Variants in MAP1S observed in about 807,000 individuals in gnomAD.
MAP1S encodes the protein microtubule-associated protein 1S.
A neutral mutation model predicts 60.9 loss-of-function variants in MAP1S; 27 were observed. That is an observed-to-expected ratio of 0.44 (90% confidence interval 0.33 to 0.61). MAP1S has a LOEUF of 0.61. Ranked by LOEUF, MAP1S falls within the 20% of genes least tolerant of loss-of-function variation. The probability of loss-of-function intolerance (pLI) is 0.03; values close to 1 mark genes in which losing one functional copy is unlikely to be tolerated. For missense variants in MAP1S, 1,608 were observed against 1,486.6 expected (o/e 1.08, Z -1.34); for synonymous variants, 826 against 694.2 (o/e 1.19, Z -2.98).
chr19:17,724,175 C>A lies in MAP1S; in HGVS notation c.270C>A (p.Leu90=). The change falls in exon 3 of 7, where the codon CTC becomes CTA. Residue 90 remains leucine (L), a synonymous_variant. Coordinates refer to ENST00000324096, the MANE Select transcript of MAP1S (RefSeq NM_018174.6). ...GAGACAACCTGGAGACCCTGGTCCT[C>A]CTGAACCCATCAGACAAGTCCCTGT... ...HRGDNLETLV[L]LNPSDKSLYD... 2 of 1,613,958 alleles carry A rather than the reference C, an allele frequency of 1.2e-6. No individual in the cohort carries two copies. The highest frequency in any genetic ancestry group is 1.7e-6 in the Non-Finnish European group (2 of 1,179,980).
intron 2 of MAP1S, 111 bp downstream of exon 2, chr19:17,721,148 T>C (rs2080367269): frequency 2.3e-6 from 2 of 863,208 alleles, no homozygotes; most frequent in Non-Finnish European, 4.0e-6. Flanking sequence ...ACAGTAATAA[T>C]ACAGTTGAGA....
intron 2 of MAP1S, among the ~76,000 whole-genome samples, chr19:17,722,882 GAAAGTT>G (rs2080384014): frequency 6.7e-6 from 1 of 150,016 alleles, no homozygotes; most frequent in African/African-American, 2.5e-5. Flanking sequence ...AGAAAGGAAA[GAAAGTT>G]AAATGTGATA....
chr19:17,728,037 A>G lies in MAP1S; in HGVS notation c.2653A>G (p.Lys885Glu), dbSNP rs781299135. 1.2e-6 allele frequency: 2 copies of G among 1,612,062 alleles called. No homozygotes were observed. The highest frequency in any genetic ancestry group is 2.2e-5 in the South Asian group (2 of 90,980). The change falls in exon 5 of 7, where the codon AAA (lysine) becomes GAA (glutamate). Residue 885 changes from lysine (K) to glutamate (E), a missense_variant. Physicochemically the swap from Lys to Glu is moderately conservative, Grantham distance 56 (BLOSUM62 1). Coordinates refer to ENST00000324096, the MANE Select transcript of MAP1S (RefSeq NM_018174.6). ...CAAAGCCACTCCAGTGGCTGCTGCC[A>G]AAACCAAGGGGCTTGCTGGTGGGGA... is the stretch of plus-strand genomic sequence containing the variant. ...APKATPVAAA[K>E]TKGLAGGDRA...
In MAP1S at chr19:17,726,407, C is replaced by T. The variant is rs1158802871; in HGVS notation, c.1023C>T (p.Ala341=). 1.9e-6 allele frequency: 3 copies of T among 1,579,184 alleles called. No homozygotes were observed. Among genetic ancestry groups the T allele is most frequent in the Non-Finnish European group, 1.7e-6 (2 of 1,169,968 alleles). The change falls in exon 5 of 7, where the codon GCC becomes GCT. Residue 341 remains alanine (A), a synonymous_variant. Coordinates refer to ENST00000324096, the MANE Select transcript of MAP1S (RefSeq NM_018174.6). ...SPNLGVVFFN[A]CEAASRLARG... is the part of the protein sequence containing the mutation. ...ACCTGGGGGTCGTGTTCTTCAACGC[C>T]TGCGAGGCCGCGTCGCGGCTGGCGC...
intron 2 of MAP1S, among the ~76,000 whole-genome samples, chr19:17,723,921 C>T (rs1286896674): frequency 2.6e-5 from 4 of 152,202 alleles, no homozygotes; most frequent in African/African-American, 9.7e-5. Context: ...GCCCTGCGCA[C>T]GATGGGGCCC....
intron 2 of MAP1S, chr19:17,721,272 G>A (rs567340079): frequency 3.7e-6 from 2 of 539,738 alleles, no homozygotes; most frequent in Admixed American, 2.7e-5. Flanking sequence ...GGCATTGAAG[G>A]GGGAAGAGGC....
intron 5 of MAP1S, among the ~76,000 whole-genome samples, chr19:17,729,861 C>T (rs2080477520): frequency 6.6e-6 from 1 of 152,180 alleles, no homozygotes; most frequent in Non-Finnish European, 1.5e-5. Flanking sequence ...TGGGGTTTCA[C>T]CATGCTGGTC....
At chr19:17,731,586 T>A (rs1175096983) in intron 5 of MAP1S, among the ~76,000 whole-genome samples, 4 of 152,234 alleles carry the variant, frequency 2.6e-5, no homozygotes, top group African/African-American at 9.6e-5. Context: ...TAATCTCCTT[T>A]TCACATTGTT....
intron 1 of MAP1S, 149 bp from the exon 2 acceptor site, chr19:17,720,787 C>A (rs928499065): frequency 2.3e-4 from 162 of 706,272 alleles, no homozygotes; most frequent in Non-Finnish European, 3.4e-4. Context: ...GCAGCGAGAC[C>A]TGAAGGTGTT....
At chr19:17,720,757 C>T (rs991336522) in intron 1 of MAP1S, 179 bp from the exon 2 acceptor site, 5 of 647,358 alleles carry the variant, frequency 7.7e-6, no homozygotes, top group African/African-American at 1.8e-5. Context: ...GAGGTGTGCT[C>T]TGGGTCCCCT....
rs757641348 is a variant in MAP1S at position 17,727,317 on chromosome 19, C to T, written c.1933C>T (p.Arg645Trp). The change falls in exon 5 of 7, where the codon CGG becomes TGG. Residue 645 changes from arginine (R) to tryptophan (W), a missense_variant. Transcript: ENST00000324096. The surrounding 1 kb of genome is among the most constrained non-coding windows in gnomAD (Gnocchi z 4.1). ...RPRTPSPESH[R>W]SPAEGSERLS... ...ACGCACACCCTCCCCTGAGTCCCAC[C>T]GGAGCCCCGCAGAGGGCAGCGAGCG... 50 of 1,591,174 alleles carry T rather than the reference C, an allele frequency of 3.1e-5. No individual in the cohort carries two copies. Among genetic ancestry groups the T allele is most frequent in the East Asian group, 1.8e-4 (8 of 43,880 alleles).
chr19:17,727,159 G>T lies in MAP1S; in HGVS notation c.1775G>T (p.Ser592Ile), dbSNP rs753453364. Residue 592 changes from serine to isoleucine, a missense_variant, in exon 5 of 7, where the codon AGC becomes ATC. Transcript: ENST00000324096. This position sits in a 1 kb window ranked among gnomAD's most constrained non-coding sequence, Gnocchi z 4.1. ...SPPSLRCGEASPPSAACGSPA... is the reference protein window; with the variant it reads ...SPPSLRCGEAIPPSAACGSPA... ...CCCAGCCTCCGATGTGGAGAAGCCA[G>T]CCCCCCCAGTGCAGCCTGCGGCTCT... 1 of 1,588,152 alleles carries T rather than the reference G, an allele frequency of 6.3e-7. No individual in the cohort carries two copies. Among genetic ancestry groups the T allele is most frequent in the Middle Eastern group, 1.7e-4 (1 of 6,032 alleles).
At chr19:17,729,443 C>A (rs935167475) in intron 5 of MAP1S, among the ~76,000 whole-genome samples, 1 of 152,186 alleles carries the variant, frequency 6.6e-6, no homozygotes, top group Non-Finnish European at 1.5e-5. Context: ...TTCCCAGAGA[C>A]CAGCCAAAGG....
rs758719923 is a variant in MAP1S at position 17,719,487 on chromosome 19, C to T, written c.-16C>T. 128 of 1,240,538 alleles carry T rather than the reference C, an allele frequency of 1.0e-4. No individual in the cohort carries two copies. The East Asian group carries it at 3.2e-3, about 31-fold the overall frequency. 76.8% of individuals were successfully genotyped at this position (1,240,538 alleles called of 1,614,324 possible). A position where few individuals can be genotyped will look rare whatever the true frequency, so the allele number is the denominator to read the frequency against. ...GCCTGCGGGGCGGGCGCCGAGAACG[C>T]CGGGGCGGCCCGAAGATGGCGGCGG... On this transcript the variant is annotated 5_prime_UTR_variant, in exon 1 of 7. Transcript: ENST00000324096.
Position 17,727,508 on chromosome 19 carries a change from A to G in MAP1S, c.2124A>G (p.Pro708=), listed in dbSNP as rs778696276. 3 of 1,610,920 alleles carry G rather than the reference A, an allele frequency of 1.9e-6. No individual in the cohort carries two copies. The highest frequency in any genetic ancestry group is 1.7e-5 in the Admixed American group (1 of 59,926). ...LSVSFEQVLP[P]SAPTSEAGLS... is the part of the protein sequence containing the mutation. ...TGTCCTTTGAGCAGGTGCTGCCGCC[A>G]TCCGCCCCCACCAGTGAGGCTGGGC... The change falls in exon 5 of 7, where the codon CCA becomes CCG. Residue 708 remains proline (P), a synonymous_variant. Transcript: ENST00000324096. This position sits in a 1 kb window ranked among gnomAD's most constrained non-coding sequence, Gnocchi z 4.1.
In MAP1S at chr19:17,734,261, CT is replaced by C. The variant is rs780039186; in HGVS notation, c.3025-11del. On this transcript the variant is annotated splice_polypyrimidine_tract_variant and intron_variant, in intron 6 of 6. Transcript: ENST00000324096. ...GGTCCACTCTCCCCACACACCCCCC[CT>C]CCACCTGCAGGTGACCCTGATCCCC... 1.4e-5 allele frequency: 23 copies of C among 1,607,652 alleles called. No homozygotes were observed. The highest frequency in any genetic ancestry group is 5.3e-5 in the African/African-American group (4 of 74,802).
At chr19:17,731,339 TC>T (rs1382830331) in intron 5 of MAP1S, among the ~76,000 whole-genome samples, 1 of 152,218 alleles carries the variant, frequency 6.6e-6, no homozygotes, top group Non-Finnish European at 1.5e-5. Flanking sequence ...AGCCCAGCTT[TC>T]CCAGCACCAT....
chr19:17,728,215 T>G, intron 5 of MAP1S, 43 bp downstream of exon 5: 2 of 1,519,516 alleles, frequency 1.3e-6, no homozygotes, highest in Non-Finnish European at 1.8e-6. Context: ...TAGCAGCTGC[T>G]TAGGCTGGAG....
intron 2 of MAP1S, 154 bp downstream of exon 2, chr19:17,721,191 C>A: frequency 1.4e-6 from 1 of 691,804 alleles, no homozygotes; most frequent in Non-Finnish European, 2.6e-6. Flanking sequence ...CCAGTGATAA[C>A]CCCCTCAGTC....
Sources: allele counts gnomAD v4.1 joint callset (sites outside exome capture counted in the v4.1 genomes callset), GRCh38; gene constraint gnomAD v4.1.1; non-coding constraint Gnocchi (gnomAD v3.1); transcripts MANE v1.5; gene names NCBI Gene and HGNC (gene_info 2026-07-23, HGNC 2026-07-21).